RFTN2: variants seen among roughly 807,000 people sequenced by gnomAD.
RFTN2 encodes raftlin-2.
In RFTN2, 34 loss-of-function variants were observed where a neutral mutation model predicts 52.7. That is an observed-to-expected ratio of 0.64 (90% CI 0.49 to 0.86). The LOEUF (loss-of-function observed/expected upper bound fraction) is 0.86, where lower values mean the gene tolerates loss of function less well. Among genes scored for constraint, RFTN2 ranks in the 40% least tolerant of loss-of-function variants. RFTN2 has a pLI of 0.00. For synonymous variants in RFTN2, 203 were observed against 217.7 expected (o/e 0.93, Z 0.59); for missense variants, 536 against 600.1 (o/e 0.89, Z 1.12).
At chr2:197,588,393 C>A (rs965081548) in intron 8 of RFTN2, among the ~76,000 whole-genome samples, 4 of 152,168 alleles carry the variant, frequency 2.6e-5, no homozygotes, top group Admixed American at 6.5e-5. Context: ...TCTTATTTTA[C>A]TTTTTTATGA....
intron 3 of RFTN2, among the ~76,000 whole-genome samples, chr2:197,641,797 G>A (rs1403813592): frequency 6.6e-6 from 1 of 152,156 alleles, no homozygotes; most frequent in East Asian, 1.9e-4. Context: ...TATGGCTCTT[G>A]TTCATACCCG....
chr2:197,640,698 C>G (rs1250843689), intron 3 of RFTN2, among the ~76,000 whole-genome samples: 2 of 150,110 alleles, frequency 1.3e-5, no homozygotes, highest in Non-Finnish European at 3.0e-5. Context: ...CCGTCTTCTG[C>G]GTCGCTCACG....
chr2:197,596,039 T>C lies in RFTN2; in HGVS notation c.1185A>G (p.Val395=). ...SEGNLATKQI[V]FLQRPVMWNS... is the part of the protein sequence containing the mutation. ...TCCACATAACTGGCCTCTGAAGGAA[T>C]ACGATCTGCTTTGTAGCCAAATTCC... Residue 395 remains valine (V), a synonymous_variant, in exon 8 of 9, where the codon GTA becomes GTG. Transcript: ENST00000295049. 1 of 1,611,908 alleles carries C rather than the reference T, an allele frequency of 6.2e-7. No homozygotes were observed. The highest frequency in any genetic ancestry group is 8.5e-7 in the Non-Finnish European group (1 of 1,178,220).
At chr2:197,654,725 T>C (rs755784510) in intron 1 of RFTN2, among the ~76,000 whole-genome samples, 1 of 152,122 alleles carries the variant, frequency 6.6e-6, no homozygotes, top group Admixed American at 6.6e-5. Context: ...AGGCTGGGCA[T>C]GGTGGCTCAT....
intron 1 of RFTN2, among the ~76,000 whole-genome samples, chr2:197,670,716 G>A (rs906280964): frequency 3.4e-5 from 5 of 147,316 alleles, no homozygotes; most frequent in Non-Finnish European, 6.0e-5. Flanking sequence ...AATTTTCACA[G>A]TCAGCTGTGC....
chr2:197,675,279 T>C lies in RFTN2; in HGVS notation c.139+41A>G, dbSNP rs540331434. ...CACTTAAAAATGACTAGTAGTCTCA[T>C]CTCTGAAACATTTAACAAACAAAAT... On this transcript the variant is annotated intron_variant, in intron 1 of 8. Coordinates refer to ENST00000295049, the MANE Select transcript of RFTN2 (RefSeq NM_144629.3). The C allele has an allele frequency of 4.0e-6, 6 of 1,493,722 alleles. No homozygotes were observed. In the East Asian group the frequency reaches 1.5e-4, roughly 37 times the overall value. 92.5% of individuals were successfully genotyped at this position (1,493,722 alleles called of 1,614,324 possible). A position where few individuals can be genotyped will look rare whatever the true frequency, so the allele number is the denominator to read the frequency against.
intron 5 of RFTN2, among the ~76,000 whole-genome samples, chr2:197,619,582 A>G (rs1369501748): frequency 6.8e-6 from 1 of 148,120 alleles, no homozygotes; most frequent in Non-Finnish European, 1.5e-5. Flanking sequence ...CCTAATCTCA[A>G]GTACCCAGGG....
intron 8 of RFTN2, among the ~76,000 whole-genome samples, chr2:197,575,813 A>AATATATATTCTATATATTTTATATACATT: frequency 8.4e-6 from 1 of 118,984 alleles, no homozygotes; most frequent in Admixed American, 9.6e-5. Context: ...TTATATACAT[A>AATATATATTCTATATATTTTATATACATT]ATATATATTC....
At chr2:197,642,504 G>T (rs2088689099) in intron 3 of RFTN2, among the ~76,000 whole-genome samples, 1 of 152,022 alleles carries the variant, frequency 6.6e-6, no homozygotes, top group African/African-American at 2.4e-5. Context: ...CAATATAGTT[G>T]TCATGTTTAA....
intron 1 of RFTN2, among the ~76,000 whole-genome samples, chr2:197,673,726 C>T (rs1484984669): frequency 2.0e-5 from 3 of 152,188 alleles, no homozygotes; most frequent in African/African-American, 7.2e-5. Flanking sequence ...GCAGATCTTT[C>T]TGATTCAAGG....
rs1055579470 is a variant in RFTN2 at position 197,637,951 on chromosome 2, T to C, written c.439-3954A>G. ...CTGGTATGTTGTGTCTTTGTTCTCGTTGGTTTCAAAGAACATCTTTATTTC... is the reference window on the plus strand; with the variant it reads ...CTGGTATGTTGTGTCTTTGTTCTCGCTGGTTTCAAAGAACATCTTTATTTC... On this transcript the variant is annotated intron_variant, in intron 3 of 8. Coordinates refer to ENST00000295049, the MANE Select transcript of RFTN2 (RefSeq NM_144629.3). Among the ~76,000 whole-genome samples the C allele has an allele frequency of 7.9e-4, 120 of 151,166 alleles. No individual in the cohort carries two copies. The Middle Eastern group carries it at 0.014, about 17-fold the overall frequency.
chr2:197,573,752 T>C (rs1374486463), intron 8 of RFTN2, among the ~76,000 whole-genome samples: 1 of 152,200 alleles, frequency 6.6e-6, no homozygotes, highest in African/African-American at 2.4e-5. Context: ...GAAAAAATGT[T>C]TTTGTGGGCC....
At chr2:197,645,892 G>A (rs1329926187) in intron 2 of RFTN2, among the ~76,000 whole-genome samples, 1 of 152,150 alleles carries the variant, frequency 6.6e-6, no homozygotes, top group Non-Finnish European at 1.5e-5. Flanking sequence ...TGGCTGTGGT[G>A]GCAGGAGCCT....
chr2:197,579,518 T>C (rs981711705), intron 8 of RFTN2, among the ~76,000 whole-genome samples: 1 of 152,212 alleles, frequency 6.6e-6, no homozygotes, highest in Non-Finnish European at 1.5e-5. Flanking sequence ...AAAATGGCAC[T>C]TTCAATTTTT....
chr2:197,584,468 T>C (rs1305464931), intron 8 of RFTN2, among the ~76,000 whole-genome samples: 1 of 152,218 alleles, frequency 6.6e-6, no homozygotes, highest in African/African-American at 2.4e-5. Flanking sequence ...GTTGTTTTTT[T>C]CTTGTAAATT....
intron 3 of RFTN2, 66 bp from the exon 4 acceptor site, chr2:197,634,063 T>G: frequency 7.5e-7 from 1 of 1,340,086 alleles, no homozygotes; most frequent in Non-Finnish European, 1.0e-6. Flanking sequence ...CTTTATCAAT[T>G]AACCTTTAGG....
At chr2:197,610,573 C>A (rs1306217779) in intron 7 of RFTN2, among the ~76,000 whole-genome samples, 1 of 152,180 alleles carries the variant, frequency 6.6e-6, no homozygotes, top group African/African-American at 2.4e-5. Flanking sequence ...GACAATTTGA[C>A]CTCCTCATTT....
chr2:197,591,776 G>T (rs114887997), intron 8 of RFTN2, among the ~76,000 whole-genome samples: 1 of 152,136 alleles, frequency 6.6e-6, no homozygotes, highest in South Asian at 2.1e-4. Flanking sequence ...GGGACCCGGC[G>T]CACCCTCCAT....
At chr2:197,572,409 T>A (rs1025960100) in intron 8 of RFTN2, 129 bp from the exon 9 acceptor site, 3 of 854,784 alleles carry the variant, frequency 3.5e-6, no homozygotes, top group Non-Finnish European at 3.7e-6. Flanking sequence ...ATCCTGCTCA[T>A]CTTCAACGAC....
Sources: gnomAD v4.1 joint callset for allele counts (sites outside exome capture counted in the v4.1 genomes callset) on GRCh38, gnomAD v4.1.1 for gene constraint, MANE v1.5 for transcripts, NCBI Gene and HGNC (gene_info 2026-07-23, HGNC 2026-07-21) for gene names.